The following GABRG3 variants were observed in gnomAD, a reference collection of about 807,000 sequenced individuals.
GABRG3 encodes the protein gamma-aminobutyric acid type A receptor subunit gamma3.
A neutral mutation model predicts 48.8 loss-of-function variants in GABRG3; 25 were observed. That is an observed-to-expected ratio of 0.51 (90% CI 0.37 to 0.72). The LOEUF is 0.72. GABRG3 is among the 30% of genes least tolerant of loss of function. GABRG3 has a pLI of 0.00. For synonymous variants in GABRG3, 227 were observed against 217.6 expected, an observed-to-expected ratio of 1.04 and a Z score of -0.38; for missense variants, 394 against 577.9, an observed-to-expected ratio of 0.68 and a Z score of 3.26.
chr15:27,517,247 G>T (rs1891043426), intron 6 of GABRG3, among the ~76,000 whole-genome samples: 1 of 151,748 alleles, frequency 6.6e-6, no homozygotes, highest in South Asian at 2.1e-4. Context: ...GCCCAGCACT[G>T]GGACTTTGTC....
Position 27,201,997 on chromosome 15 carries a change from CA to C in GABRG3, c.271-124809del, listed in dbSNP as rs1649669274. ...CATTAAAAGAGCAAAAATGTAAACA[CA>C]AATACCATCATACAAGTATATTCAG... is the stretch of plus-strand genomic sequence containing the variant. On this transcript the variant is annotated intron_variant, in intron 3 of 9. Coordinates refer to ENST00000615808, the MANE Select transcript of GABRG3 (RefSeq NM_033223.5). Among the ~76,000 whole-genome samples the C allele has an allele frequency of 2.0e-5, 3 of 152,112 alleles. 1 individual carries two copies. In the South Asian group the frequency reaches 6.2e-4, roughly 31 times the overall value.
At chr15:27,188,975 T>C (rs953542390) in intron 3 of GABRG3, among the ~76,000 whole-genome samples, 6 of 152,118 alleles carry the variant, frequency 3.9e-5, no homozygotes, top group African/African-American at 1.4e-4. Flanking sequence ...CACCATTTAT[T>C]GAATAGGGAA....
At chr15:27,149,631 G>T (rs1243404711) in intron 3 of GABRG3, among the ~76,000 whole-genome samples, 1 of 152,142 alleles carries the variant, frequency 6.6e-6, no homozygotes, top group African/African-American at 2.4e-5. Flanking sequence ...CTAGTATAAC[G>T]ATAGGCATAT....
intron 5 of GABRG3, among the ~76,000 whole-genome samples, chr15:27,437,500 C>T (rs1186906442): frequency 1.3e-5 from 2 of 152,212 alleles, no homozygotes; most frequent in Non-Finnish European, 2.9e-5. Context: ...TCCCTGCTCA[C>T]TTCCAGTAGA....
At chr15:26,992,171 T>A (rs920888526) in intron 2 of GABRG3, among the ~76,000 whole-genome samples, 21 of 152,240 alleles carry the variant, frequency 1.4e-4, no homozygotes, top group African/African-American at 4.3e-4. Context: ...TCATATCATC[T>A]TTACACCAGG....
chr15:27,336,206 G>T (rs1329649531), intron 5 of GABRG3, among the ~76,000 whole-genome samples: 5 of 124,106 alleles, frequency 4.0e-5, no homozygotes, highest in South Asian at 2.5e-4. Flanking sequence ...AAGAAAGAAA[G>T]AAAGAGAGAG....
At chr15:27,174,581 C>CG (rs1330083098) in intron 3 of GABRG3, among the ~76,000 whole-genome samples, 99 of 136,828 alleles carry the variant, frequency 7.2e-4, no homozygotes, top group African/African-American at 2.8e-3. Flanking sequence ...GCCTCTCTCT[C>CG]TCGTCTCTCT....
intron 3 of GABRG3, among the ~76,000 whole-genome samples, chr15:27,198,107 A>T (rs208139): frequency 0.2 from 30,833 of 152,100 alleles, 3,173 homozygotes; most frequent in East Asian, 0.34. Flanking sequence ...TTCATGACTA[A>T]AACACCAAAA....
Position 27,319,717 on chromosome 15 carries a change from G to A in GABRG3, c.271-7092G>A, listed in dbSNP as rs559156882. Among the ~76,000 whole-genome samples, 5 of 152,212 alleles carry A rather than the reference G, an allele frequency of 3.3e-5. No homozygotes were observed. Among genetic ancestry groups the A allele is most frequent in the Middle Eastern group, 3.4e-3 (1 of 294 alleles). On this transcript the variant is annotated intron_variant, in intron 3 of 9. Coordinates refer to ENST00000615808, the MANE Select transcript of GABRG3 (RefSeq NM_033223.5). This position sits in a 1 kb window ranked among gnomAD's most constrained non-coding sequence, Gnocchi z 4.4. ...CTGTGCCGGGATGTTGTACCAATGCGTGCACCATGGTGGCTATAGTAACGG... is the reference window on the plus strand; with the variant it reads ...CTGTGCCGGGATGTTGTACCAATGCATGCACCATGGTGGCTATAGTAACGG...
intron 3 of GABRG3, among the ~76,000 whole-genome samples, chr15:27,205,340 T>C (rs1888818110): frequency 6.6e-6 from 1 of 152,190 alleles, no homozygotes; most frequent in Non-Finnish European, 1.5e-5. Context: ...TAGTTCTGTT[T>C]ATGTGATGAA....
chr15:27,072,892 T>C (rs1236011073), intron 3 of GABRG3, among the ~76,000 whole-genome samples: 1 of 152,214 alleles, frequency 6.6e-6, no homozygotes, highest in Non-Finnish European at 1.5e-5. Flanking sequence ...AATTCTGGGA[T>C]ATGGCTGGCC....
At chr15:27,034,894 C>A (rs1041548598) in intron 3 of GABRG3, among the ~76,000 whole-genome samples, 1 of 152,176 alleles carries the variant, frequency 6.6e-6, no homozygotes, top group Non-Finnish European at 1.5e-5. Flanking sequence ...TCACAATTTC[C>A]TTAGTTAATA....
chr15:27,532,143 A>G (rs1891437157), intron 9 of GABRG3, among the ~76,000 whole-genome samples: 3 of 152,226 alleles, frequency 2.0e-5, no homozygotes, highest in African/African-American at 7.2e-5. Flanking sequence ...CATACTTACT[A>G]CAAAACCACA....
chr15:27,374,295 G>C (rs774035727), intron 5 of GABRG3, among the ~76,000 whole-genome samples: 1 of 151,596 alleles, frequency 6.6e-6, no homozygotes, highest in African/African-American at 2.4e-5. Flanking sequence ...ACCATGCCTG[G>C]CTAATTTTTG....
intron 1 of GABRG3, among the ~76,000 whole-genome samples, chr15:26,972,547 C>T (rs565213619): frequency 1.3e-5 from 2 of 152,232 alleles, no homozygotes; most frequent in South Asian, 4.2e-4. Context: ...CTAGGAAGCT[C>T]AGCGTGCCCC....
chr15:27,332,139 A>G (rs1421965326), intron 5 of GABRG3, among the ~76,000 whole-genome samples: 1 of 152,210 alleles, frequency 6.6e-6, no homozygotes, highest in East Asian at 1.9e-4. Context: ...ACTTGCATCT[A>G]AATCAGTTTG....
intron 6 of GABRG3, among the ~76,000 whole-genome samples, chr15:27,508,830 C>T (rs1890825158): frequency 6.6e-6 from 1 of 152,118 alleles, no homozygotes; most frequent in African/African-American, 2.4e-5. Context: ...TCTCTCACCC[C>T]AGCCTCCCGA....
At position 27,097,227 on chromosome 15, in the gene GABRG3, C is replaced by T. The variant is rs114768101; in HGVS notation, c.270+70406C>T. Among the ~76,000 whole-genome samples, 483 of 152,006 alleles carry T rather than the reference C, an allele frequency of 3.2e-3. 1 individual carries two copies. The highest frequency in any genetic ancestry group is 0.011 in the African/African-American group (454 of 41,444). On this transcript the variant is annotated intron_variant, in intron 3 of 9. Coordinates refer to ENST00000615808, the MANE Select transcript of GABRG3 (RefSeq NM_033223.5). ...GGGCAGATACTTGGAGATGCTGGCCCGCTGCTGGGCATGTAAGAAATGGAA... is the reference window on the plus strand; with the variant it reads ...GGGCAGATACTTGGAGATGCTGGCCTGCTGCTGGGCATGTAAGAAATGGAA...
chr15:27,182,783 G>A (rs1236622357), intron 3 of GABRG3, among the ~76,000 whole-genome samples: 2 of 152,260 alleles, frequency 1.3e-5, no homozygotes, highest in East Asian at 1.9e-4. Flanking sequence ...GCTTCTGCTC[G>A]GGGCCAGGCT....
Sources: gnomAD v4.1 joint callset for allele counts (sites outside exome capture counted in the v4.1 genomes callset) on GRCh38, gnomAD v4.1.1 for gene constraint, Gnocchi (gnomAD v3.1) non-coding constraint, MANE v1.5 for transcripts, NCBI Gene and HGNC (gene_info 2026-07-23, HGNC 2026-07-21) for gene names.